NCAPH: variants seen among roughly 807,000 people sequenced by gnomAD.
NCAPH encodes condensin complex subunit 2.
NCAPH carries 38 observed loss-of-function variants against 85.5 expected under a neutral mutation model. That is an observed-to-expected ratio of 0.44 (90% CI 0.34 to 0.58). NCAPH has a LOEUF of 0.58. Among genes scored for constraint, NCAPH ranks in the 20% least tolerant of loss-of-function variants. The pLI, the probability that NCAPH is intolerant of heterozygous loss-of-function variation, is 0.01. For synonymous variants in NCAPH, 301 were observed against 335.1 expected, an observed-to-expected ratio of 0.90 and a Z score of 1.11; for missense variants, 789 against 916.6, an observed-to-expected ratio of 0.86 and a Z score of 1.80.
At chr2:96,371,329 C>A (rs1310431308) in intron 17 of NCAPH, among the ~76,000 whole-genome samples, 1 of 152,116 alleles carries the variant, frequency 6.6e-6, no homozygotes, top group Admixed American at 6.5e-5. Context: ...CCTTCTGAGT[C>A]CAATTTAAGA....
At chr2:96,352,467 TC>T (rs1205820454) in intron 7 of NCAPH, among the ~76,000 whole-genome samples, 1 of 152,152 alleles carries the variant, frequency 6.6e-6, no homozygotes, top group African/African-American at 2.4e-5. Flanking sequence ...TCTGCAGCAG[TC>T]TAAGAACTGA....
chr2:96,344,687 T>C (rs555805814), intron 6 of NCAPH, among the ~76,000 whole-genome samples: 120 of 152,310 alleles, frequency 7.9e-4, no homozygotes, highest in African/African-American at 2.7e-3. Flanking sequence ...AAGTTGAAGC[T>C]AAGTGGTCTA....
At chr2:96,355,648 T>G (rs560753714) in intron 9 of NCAPH, among the ~76,000 whole-genome samples, 3 of 151,160 alleles carry the variant, frequency 2.0e-5, no homozygotes, top group South Asian at 2.1e-4. Context: ...TTTTTTTGTT[T>G]TTTTTTTTTT....
At position 96,337,707 on chromosome 2, in the gene NCAPH, C is replaced by T. The variant is rs144009695; in HGVS notation, c.19+1859C>T. On this transcript the variant is annotated intron_variant, in intron 1 of 17. Transcript: ENST00000240423. ...TGCTGGGATTACAGGCATGAGCCAC[C>T]GCGCCCGGCCTATTATTTTTTAGAG... 2.5e-3 allele frequency among the ~76,000 whole-genome samples: 384 copies of T among 151,914 alleles called. 1 individual carries two copies. The highest frequency in any genetic ancestry group is 8.6e-3 in the African/African-American group (358 of 41,428).
rs910702897 is a variant in NCAPH at position 96,375,598 on chromosome 2, T to C, written c.*2247T>C. 2.6e-5 allele frequency among the ~76,000 whole-genome samples: 4 copies of C among 152,216 alleles called. No homozygotes were observed. Among genetic ancestry groups the C allele is most frequent in the Admixed American group, 6.5e-5 (1 of 15,276 alleles). ...TCTCAGCCTCTAGAACTGTGAACAA[T>C]AAATCTATTGTTTATAAATTAAGCA... On this transcript the variant is annotated 3_prime_UTR_variant, in exon 18 of 18. Coordinates refer to ENST00000240423, the MANE Select transcript of NCAPH (RefSeq NM_015341.5).
chr2:96,363,062 G>A (rs1000047925), intron 12 of NCAPH, among the ~76,000 whole-genome samples: 8 of 152,090 alleles, frequency 5.3e-5, no homozygotes, highest in Non-Finnish European at 8.8e-5. Flanking sequence ...AGAAATTGTC[G>A]CAGCCACCCC....
chr2:96,354,869 C>T (rs62153911), intron 9 of NCAPH, among the ~76,000 whole-genome samples: 62 of 152,268 alleles, frequency 4.1e-4, no homozygotes, highest in Admixed American at 1.6e-3. Flanking sequence ...CTAGTAATTA[C>T]GTCAATGTGG....
At chr2:96,368,879 G>A (rs2064734361) in intron 15 of NCAPH, 93 bp from the exon 16 acceptor site, 1 of 1,117,448 alleles carries the variant, frequency 8.9e-7, no homozygotes, top group Admixed American at 2.5e-5. Flanking sequence ...TTTTGTTTAG[G>A]TATAGACTTT....
intron 17 of NCAPH, among the ~76,000 whole-genome samples, chr2:96,371,946 GT>G (rs981763109): frequency 1.4e-4 from 21 of 152,360 alleles, no homozygotes; most frequent in Middle Eastern, 3.4e-3. Flanking sequence ...TTAGGAGCCA[GT>G]GATGGACGTG....
chr2:96,372,844 G>A (rs1408753359), intron 17 of NCAPH, among the ~76,000 whole-genome samples: 1 of 152,140 alleles, frequency 6.6e-6, no homozygotes, highest in African/African-American at 2.4e-5. Context: ...GTATATTTGT[G>A]TATACATATA....
Position 96,374,641 on chromosome 2 carries a change from A to C in NCAPH, c.*1290A>C, listed in dbSNP as rs948345755. On this transcript the variant is annotated 3_prime_UTR_variant, in exon 18 of 18. Coordinates refer to ENST00000240423, the MANE Select transcript of NCAPH (RefSeq NM_015341.5). The stretch of plus-strand genomic sequence containing the variant: ...CCTCCCCACAGGAATATGCTTTCCA[A>C]ATTGTGTCCAAAACATTACCTGCTC... Among the ~76,000 whole-genome samples, 11 of 152,224 alleles carry C rather than the reference A, an allele frequency of 7.2e-5. No individual in the cohort carries two copies. Among genetic ancestry groups the C allele is most frequent in the Non-Finnish European group, 1.3e-4 (9 of 68,024 alleles).
Position 96,374,400 on chromosome 2 carries a change from A to C in NCAPH, c.*1049A>C, listed in dbSNP as rs2064810678. Among the ~76,000 whole-genome samples the C allele has an allele frequency of 6.6e-6, 1 of 152,240 alleles. No individual in the cohort carries two copies. On this transcript the variant is annotated 3_prime_UTR_variant, in exon 18 of 18. Coordinates refer to ENST00000240423, the MANE Select transcript of NCAPH (RefSeq NM_015341.5). ...CCCCTAACCTCAGAGGAATAGGGGA[A>C]TTAACTTTGCTTGCAATTTGGAACA...
intron 6 of NCAPH, among the ~76,000 whole-genome samples, chr2:96,347,137 T>C (rs1276202417): frequency 2.6e-5 from 4 of 152,076 alleles, no homozygotes; most frequent in Admixed American, 2.6e-4. Flanking sequence ...GGGGGGATAG[T>C]TGGATGCTGC....
chr2:96,358,613 C>T lies in NCAPH; in HGVS notation c.1209-432C>T, dbSNP rs899369450. 4.6e-5 allele frequency among the ~76,000 whole-genome samples: 7 copies of T among 152,108 alleles called. No homozygotes were observed. In the East Asian group the frequency reaches 5.8e-4, roughly 13 times the overall value. On this transcript the variant is annotated intron_variant, in intron 9 of 17. Coordinates refer to ENST00000240423, the MANE Select transcript of NCAPH (RefSeq NM_015341.5). ...CCTCCGGAGTAGCTGGGACTACAGG[C>T]GCCCGCCACCACGCCCGGCTAATTT... is the stretch of plus-strand genomic sequence containing the variant.
intron 17 of NCAPH, among the ~76,000 whole-genome samples, chr2:96,370,413 A>G (rs1358510983): frequency 6.6e-6 from 1 of 152,196 alleles, no homozygotes; most frequent in Non-Finnish European, 1.5e-5. Flanking sequence ...GGTAGCAAAA[A>G]TGGGGTGCTG....
rs2064819088 is a variant in NCAPH at position 96,375,189 on chromosome 2, C to A, written c.*1838C>A. On this transcript the variant is annotated 3_prime_UTR_variant, in exon 18 of 18. Coordinates refer to ENST00000240423, the MANE Select transcript of NCAPH (RefSeq NM_015341.5). ...CACTACTGCATTCCAGCCAGGACAA[C>A]AGAGTGAGATCCTATCTCTTAAACA... Among the ~76,000 whole-genome samples the A allele has an allele frequency of 6.6e-6, 1 of 151,782 alleles. No homozygotes were observed. Among genetic ancestry groups the A allele is most frequent in the Non-Finnish European group, 1.5e-5 (1 of 67,984 alleles).
At chr2:96,347,055 A>T (rs2064371331) in intron 6 of NCAPH, among the ~76,000 whole-genome samples, 1 of 152,188 alleles carries the variant, frequency 6.6e-6, no homozygotes, top group African/African-American at 2.4e-5. Context: ...TTGGAAGATG[A>T]CTGCAACACA....
intron 15 of NCAPH, 28 bp from the exon 16 acceptor site, chr2:96,368,944 G>A (rs1391289251): frequency 1.3e-6 from 2 of 1,550,128 alleles, no homozygotes; most frequent in Non-Finnish European, 1.7e-6. Context: ...AGCCCTAACT[G>A]TCCGATGTAT....
Position 96,376,023 on chromosome 2 carries a change from C to A in NCAPH, c.*2672C>A, listed in dbSNP as rs1198892074. On this transcript the variant is annotated 3_prime_UTR_variant, in exon 18 of 18. Transcript: ENST00000240423. ...TGTAATAAATTCCTTTGTCAGTTAC[C>A]CAGTTTCAGGTATTCTGTTATAGGT... Among the ~76,000 whole-genome samples, 1 of 152,098 alleles carries A rather than the reference C, an allele frequency of 6.6e-6. No individual in the cohort carries two copies. Among genetic ancestry groups the A allele is most frequent in the East Asian group, 1.9e-4 (1 of 5,196 alleles).
Sources: allele counts gnomAD v4.1 joint callset (sites outside exome capture counted in the v4.1 genomes callset), GRCh38; gene constraint gnomAD v4.1.1; transcripts MANE v1.5; gene names NCBI Gene and HGNC (gene_info 2026-07-23, HGNC 2026-07-21).